Variants in SEC16A observed in about 807,000 individuals in gnomAD.
SEC16A encodes the protein protein transport protein Sec16A.
SEC16A carries 110 observed loss-of-function variants against 221.9 expected under a neutral mutation model. The observed-to-expected ratio is 0.50, with a 90% confidence interval of 0.42 to 0.58. The LOEUF (loss-of-function observed/expected upper bound fraction) is 0.58, where lower values mean the gene tolerates loss of function less well. Ranked by LOEUF, SEC16A falls within the 20% of genes least tolerant of loss-of-function variation. The pLI is 0.00. For synonymous variants in SEC16A, 1,393 were observed against 1,257.7 expected, an observed-to-expected ratio of 1.11 and a Z score of -2.28; for missense variants, 3,165 against 3,097.8, an observed-to-expected ratio of 1.02 and a Z score of -0.52.
At chr9:136,484,408 A>G, upstream of SEC16A, 1 of 1,194,652 alleles carries the variant, frequency 8.4e-7, no homozygotes, top group Non-Finnish European at 1.1e-6. Flanking sequence ...CATTTTTCGG[A>G]GGAGCCGAGG....
At position 136,456,532 on chromosome 9, in the gene SEC16A, G is replaced by T. The variant is rs549730939; in HGVS notation, c.5551-366C>A. Among the ~76,000 whole-genome samples, 13 of 152,316 alleles carry T rather than the reference G, an allele frequency of 8.5e-5. No individual in the cohort carries two copies. The South Asian group carries it at 2.7e-3, about 32-fold the overall frequency. Reference sequence around the variant, plus strand: ...TTGGGGGATGCAGAGCGGGACAGAGGGGGCAGAACACAAGTTTGGCCCTGT... The same window carrying T: ...TTGGGGGATGCAGAGCGGGACAGAGTGGGCAGAACACAAGTTTGGCCCTGT... On this transcript the variant is annotated intron_variant, in intron 18 of 31. Coordinates refer to ENST00000684901, the MANE Select transcript of SEC16A (RefSeq NM_014866.2).
rs775101060 is a variant in SEC16A, at chr9:136,474,343, T to A, written c.3273A>T (p.Gly1091=). 2.9e-5 allele frequency: 46 copies of A among 1,612,572 alleles called. 1 individual carries two copies. In the Admixed American group the frequency reaches 7.7e-4, roughly 27 times the overall value. Residue 1091 remains glycine, a synonymous_variant, in exon 3 of 32, where the codon GGA becomes GGT. Transcript: ENST00000684901. ...LSNPESLPAQ[G]QAQNSAQSPA... ...GTGACTGTGCTGAGTTCTGGGCCTG[T>A]CCCTGTGCGGGCAGACTTTCTGGAT...
intron 17 of SEC16A, among the ~76,000 whole-genome samples, chr9:136,458,303 T>C (rs1838989357): frequency 6.6e-6 from 1 of 152,000 alleles, no homozygotes; most frequent in Admixed American, 6.6e-5. Flanking sequence ...ACCCCCACAC[T>C]GCATCAGAGA....
chr9:136,457,635 C>A, intron 17 of SEC16A, 51 bp from the exon 18 acceptor site: 1 of 1,569,522 alleles, frequency 6.4e-7, no homozygotes, highest in East Asian at 2.3e-5. Context: ...GTCCGAGCAT[C>A]GCCGATGGAC....
chr9:136,465,878 C>A, intron 8 of SEC16A, 84 bp downstream of exon 8: 2 of 1,391,220 alleles, frequency 1.4e-6, no homozygotes, highest in Non-Finnish European at 9.8e-7. Context: ...CCAATCCCAG[C>A]CCTGACTCCC....
intron 12 of SEC16A, among the ~76,000 whole-genome samples, chr9:136,462,240 C>G (rs996790951): frequency 6.6e-6 from 1 of 152,168 alleles, no homozygotes; most frequent in Non-Finnish European, 1.5e-5. Flanking sequence ...GCTTCTGAGA[C>G]TGGCCTCTCT....
At chr9:136,450,898 C>G (rs919970767) in intron 23 of SEC16A, among the ~76,000 whole-genome samples, 3 of 152,166 alleles carry the variant, frequency 2.0e-5, no homozygotes, top group Non-Finnish European at 2.9e-5. Flanking sequence ...ACACTGAAAG[C>G]AGTCCCAAAG....
chr9:136,482,178 G>A (rs980462286), intron 1 of SEC16A, among the ~76,000 whole-genome samples: 11 of 152,186 alleles, frequency 7.2e-5, no homozygotes, highest in African/African-American at 2.7e-4. Flanking sequence ...AAAAACGCAG[G>A]GAGGCTGCAT....
At position 136,466,032 on chromosome 9, in the gene SEC16A, A is replaced by G; in HGVS notation, c.4233T>C (p.Asn1411=). ...GDFAYGTYRS[N]FSSGPGFPEY... ...CTGGGAAGCCGGGGCCACTGCTGAA[A>G]TTGCTGCGGTAGGTGCCGTAGGCAA... The change falls in exon 8 of 32, where the codon AAT becomes AAC. Residue 1411 remains asparagine (N), a synonymous_variant. Transcript: ENST00000684901. This position sits in a 1 kb window ranked among gnomAD's most constrained non-coding sequence, Gnocchi z 5.5. 1.2e-6 allele frequency: 2 copies of G among 1,613,706 alleles called. No homozygotes were observed. The highest frequency in any genetic ancestry group is 1.7e-6 in the Non-Finnish European group (2 of 1,179,880).
intron 1 of SEC16A, among the ~76,000 whole-genome samples, chr9:136,481,182 T>G (rs1213023103): frequency 2.9e-5 from 4 of 136,326 alleles, no homozygotes; most frequent in Non-Finnish European, 6.2e-5. Flanking sequence ...TCACCCAGGC[T>G]GGAGTGCAGT....
intron 1 of SEC16A, among the ~76,000 whole-genome samples, chr9:136,482,165 G>A (rs947934800): frequency 6.6e-6 from 1 of 152,264 alleles, no homozygotes; most frequent in Non-Finnish European, 1.5e-5. Context: ...AAGGGGATGA[G>A]GAAAAAACGC....
intron 8 of SEC16A, among the ~76,000 whole-genome samples, 163 bp downstream of exon 8, chr9:136,465,799 G>GC (rs920814317): frequency 2.6e-5 from 4 of 152,338 alleles, no homozygotes; most frequent in African/African-American, 9.6e-5. Flanking sequence ...GACAGCATCG[G>GC]CCCGTCCTGA....
At position 136,448,090 on chromosome 9, in the gene SEC16A, G is replaced by C; in HGVS notation, c.6384C>G (p.Asn2128Lys). 8.1e-6 allele frequency: 13 copies of C among 1,612,540 alleles called. No homozygotes were observed. Among genetic ancestry groups the C allele is most frequent in the African/African-American group, 4.0e-5 (3 of 74,770 alleles). Reference protein sequence around the residue: ...KTEAYLPDDKNKSIVWDEKKN... With the variant: ...KTEAYLPDDKKKSIVWDEKKN... The stretch of plus-strand genomic sequence containing the variant: ...CGTATTTGACAGCACTCACCGATTT[G>C]TTCTTGTCATCTGGCAAATAAGCTT... Residue 2128 changes from asparagine to lysine, a missense_variant, in exon 24 of 32, where the codon AAC (asparagine) becomes AAG (lysine). By Grantham distance (94) the Asn-to-Lys change is moderately conservative. Transcript: ENST00000684901.
At chr9:136,464,188 A>G (rs1030158920) in intron 9 of SEC16A, among the ~76,000 whole-genome samples, 7 of 152,248 alleles carry the variant, frequency 4.6e-5, no homozygotes, top group Non-Finnish European at 8.8e-5. Context: ...TGCATATACA[A>G]TCAAACCACG....
At chr9:136,467,425 G>A (rs994369560) in intron 5 of SEC16A, among the ~76,000 whole-genome samples, 8 of 152,032 alleles carry the variant, frequency 5.3e-5, no homozygotes, top group African/African-American at 1.9e-4. Flanking sequence ...GGCTGTTCTT[G>A]AACTCCTGGG....
Position 136,483,003 on chromosome 9 carries a change from A to C in SEC16A, c.-257T>G, listed in dbSNP as rs1004417667. 2.2e-5 allele frequency: 22 copies of C among 985,074 alleles called. No individual in the cohort carries two copies. Among genetic ancestry groups the C allele is most frequent in the Non-Finnish European group, 2.5e-5 (21 of 829,828 alleles). 61.0% of individuals were successfully genotyped at this position (985,074 alleles called of 1,614,324 possible). On this transcript the variant is annotated 5_prime_UTR_variant, in exon 1 of 32. Coordinates refer to ENST00000684901, the MANE Select transcript of SEC16A (RefSeq NM_014866.2). ...AGCCCACCCGACGCTGGCGACGAGC[A>C]CAGACACCTCAGCCGCCGCAGCCAT... is the stretch of plus-strand genomic sequence containing the variant.
intron 28 of SEC16A, 75 bp from the exon 29 acceptor site, chr9:136,445,794 G>A: frequency 7.7e-7 from 1 of 1,293,602 alleles, no homozygotes; most frequent in Middle Eastern, 1.8e-4. Flanking sequence ...CAAAAAATAT[G>A]AAACTGTTCT....
In SEC16A at chr9:136,445,133, C is replaced by T. The variant is rs370629861; in HGVS notation, c.6868-22G>A. 91 of 1,594,228 alleles carry T rather than the reference C, an allele frequency of 5.7e-5. No individual in the cohort carries two copies. In the African/African-American group the frequency reaches 9.8e-4, roughly 17 times the overall value. On this transcript the variant is annotated intron_variant, in intron 29 of 31. Transcript: ENST00000684901. The stretch of plus-strand genomic sequence containing the variant: ...AAAGCTACAAAACAGCAAGAACACA[C>T]ATAAAACACGGACGAAAGTCAACAT...
At chr9:136,471,543 A>C (rs1840870583) in intron 4 of SEC16A, among the ~76,000 whole-genome samples, 1 of 151,496 alleles carries the variant, frequency 6.6e-6, no homozygotes, top group Admixed American at 6.6e-5. Flanking sequence ...GACAGGTCTA[A>C]GAATTAAGTC....
Sources: gnomAD v4.1 joint callset for allele counts (sites outside exome capture counted in the v4.1 genomes callset) on GRCh38, gnomAD v4.1.1 for gene constraint, Gnocchi (gnomAD v3.1) non-coding constraint, MANE v1.5 for transcripts, NCBI Gene and HGNC (gene_info 2026-07-23, HGNC 2026-07-21) for gene names.